Variants in RBMS3 observed in about 807,000 individuals in gnomAD.
The protein encoded by RBMS3 is RNA-binding motif, single-stranded-interacting protein 3.
Under a neutral mutation model 66.8 loss-of-function variants are expected in RBMS3, and 27 were observed. The ratio of observed to expected loss-of-function variants is 0.40; its 90% CI spans 0.30 to 0.56. The LOEUF (loss-of-function observed/expected upper bound fraction) is 0.56, where lower values mean the gene tolerates loss of function less well. Ranked by LOEUF, RBMS3 falls within the 20% of genes least tolerant of loss-of-function variation. RBMS3 has a pLI of 0.40. For missense variants in RBMS3, 513 were observed against 549.5 expected (o/e 0.93, Z 0.66); for synonymous variants, 188 against 183.0 (o/e 1.03, Z -0.22).
intron 3 of RBMS3, among the ~76,000 whole-genome samples, chr3:29,512,170 G>C (rs760778410): frequency 9.2e-5 from 14 of 151,846 alleles, no homozygotes; most frequent in Non-Finnish European, 1.0e-4. Flanking sequence ...ATGAAAAGGT[G>C]GTCTTCCTTA....
At chr3:29,976,436 A>G (rs1287204582) in intron 12 of RBMS3, among the ~76,000 whole-genome samples, 1 of 152,088 alleles carries the variant, frequency 6.6e-6, no homozygotes, top group Admixed American at 6.6e-5. Context: ...AGCCTCCTTT[A>G]TATACTAAAA....
chr3:29,739,154 A>G (rs1434013673), intron 4 of RBMS3, among the ~76,000 whole-genome samples: 2 of 152,114 alleles, frequency 1.3e-5, no homozygotes, highest in Non-Finnish European at 2.9e-5. Context: ...GTTCAATTGC[A>G]TTAAAAGTTT....
At chr3:29,640,914 G>T (rs915713190) in intron 4 of RBMS3, among the ~76,000 whole-genome samples, 3 of 151,858 alleles carry the variant, frequency 2.0e-5, no homozygotes, top group Admixed American at 6.6e-5. Context: ...TAAAAATGGG[G>T]ATAATGATTC....
chr3:29,571,335 C>T (rs2046945887), intron 3 of RBMS3, among the ~76,000 whole-genome samples: 1 of 151,966 alleles, frequency 6.6e-6, no homozygotes, highest in South Asian at 2.1e-4. Context: ...TTGATGAGAT[C>T]CCATCTGTCC....
At chr3:29,970,668 C>A (rs1169315153) in intron 12 of RBMS3, among the ~76,000 whole-genome samples, 2 of 152,102 alleles carry the variant, frequency 1.3e-5, no homozygotes, top group African/African-American at 4.8e-5. Flanking sequence ...CTTTAGAAGT[C>A]CAAAGCTTTA....
intron 1 of RBMS3, among the ~76,000 whole-genome samples, chr3:29,377,597 C>G (rs2038543812): frequency 6.6e-6 from 1 of 152,148 alleles, no homozygotes; most frequent in African/African-American, 2.4e-5. Flanking sequence ...TATCTCTAAC[C>G]AAGAGAGGTA....
chr3:29,414,753 C>G (rs913245163), intron 1 of RBMS3, among the ~76,000 whole-genome samples: 10 of 152,126 alleles, frequency 6.6e-5, no homozygotes, highest in Non-Finnish European at 1.3e-4. Context: ...GCAAGAAAAT[C>G]TGTGCTTTCA....
intron 6 of RBMS3, among the ~76,000 whole-genome samples, chr3:29,832,415 C>T (rs1422103829): frequency 1.3e-5 from 2 of 152,142 alleles, no homozygotes; most frequent in Admixed American, 6.5e-5. Context: ...ATGAGAGTAC[C>T]TTTGTGGGAG....
chr3:29,427,288 T>C (rs1198044999), intron 1 of RBMS3, among the ~76,000 whole-genome samples: 1 of 152,246 alleles, frequency 6.6e-6, no homozygotes, highest in African/African-American at 2.4e-5. Flanking sequence ...AGCCATAATG[T>C]ATGTGGTTCA....
chr3:29,439,426 A>C (rs2041527992), intron 2 of RBMS3, among the ~76,000 whole-genome samples: 1 of 152,240 alleles, frequency 6.6e-6, no homozygotes, highest in East Asian at 1.9e-4. Flanking sequence ...GTGAGAAGTA[A>C]TATTAGTGGT....
intron 4 of RBMS3, among the ~76,000 whole-genome samples, chr3:29,592,930 T>C (rs1039418558): frequency 4.8e-5 from 7 of 146,934 alleles, no homozygotes; most frequent in Non-Finnish European, 7.4e-5. Context: ...ACACCGCATG[T>C]TCTCACTCAT....
At chr3:29,317,580 C>T (rs1349089402) in intron 1 of RBMS3, among the ~76,000 whole-genome samples, 2 of 151,554 alleles carry the variant, frequency 1.3e-5, no homozygotes, top group Admixed American at 6.6e-5. Flanking sequence ...CCATAATATA[C>T]ACACACAGAA....
intron 6 of RBMS3, among the ~76,000 whole-genome samples, chr3:29,817,218 C>G (rs966815713): frequency 1.1e-5 from 1 of 94,226 alleles, no homozygotes; most frequent in African/African-American, 4.8e-5. Context: ...GGCAAAGTCT[C>G]ACTCTGTCAC....
chr3:29,922,576 A>G (rs1296344657), intron 10 of RBMS3, among the ~76,000 whole-genome samples: 2 of 152,184 alleles, frequency 1.3e-5, no homozygotes, highest in Non-Finnish European at 1.5e-5. Flanking sequence ...TTTATTCTAA[A>G]CACTGTACAG....
In RBMS3 at chr3:29,435,885, G is replaced by A. The variant is rs1205313889; in HGVS notation, c.248+970G>A. Among the ~76,000 whole-genome samples, 3 of 131,374 alleles carry A rather than the reference G, an allele frequency of 2.3e-5. No homozygotes were observed. The East Asian group carries it at 7.4e-4, about 32-fold the overall frequency. The allele number at this position is 131,374 out of a possible 152,430, so 86.2% of individuals were successfully genotyped here. On this transcript the variant is annotated intron_variant, in intron 2 of 14. Transcript: ENST00000383767. ...AGCTACTCAGGAGGCTGAGGCAGGA[G>A]AATGGCGTGAACCAGGAGGCGGAGT... is the stretch of plus-strand genomic sequence containing the variant.
At chr3:29,597,321 TAAAC>T (rs2047979286) in intron 4 of RBMS3, among the ~76,000 whole-genome samples, 1 of 152,102 alleles carries the variant, frequency 6.6e-6, no homozygotes, top group Non-Finnish European at 1.5e-5. Context: ...AGATAAGTAA[TAAAC>T]AAACTTGAAT....
intron 14 of RBMS3, among the ~76,000 whole-genome samples, chr3:29,999,527 G>A (rs1699473410): frequency 6.6e-6 from 1 of 150,808 alleles, no homozygotes; most frequent in African/African-American, 2.4e-5. Flanking sequence ...TGTCCAAATA[G>A]TCTGGATTAA....
At chr3:29,425,554 C>G (rs1322299672) in intron 1 of RBMS3, among the ~76,000 whole-genome samples, 1 of 151,884 alleles carries the variant, frequency 6.6e-6, no homozygotes, top group Admixed American at 6.6e-5. Flanking sequence ...AGGGGAATTG[C>G]TTGAACCAAG....
chr3:29,687,434 T>C (rs1483178696), intron 4 of RBMS3, among the ~76,000 whole-genome samples: 5 of 152,224 alleles, frequency 3.3e-5, no homozygotes, highest in Non-Finnish European at 7.4e-5. Flanking sequence ...TCTAGGCAGT[T>C]AAACATTATT....
Sources: gnomAD v4.1 joint callset for allele counts (sites outside exome capture counted in the v4.1 genomes callset) on GRCh38, gnomAD v4.1.1 for gene constraint, MANE v1.5 for transcripts, NCBI Gene and HGNC (gene_info 2026-07-23, HGNC 2026-07-21) for gene names.